ADAMTSL2: variants seen among roughly 807,000 people sequenced by gnomAD.
ADAMTSL2 encodes ADAMTS like 2.
Under a neutral mutation model 117.0 loss-of-function variants are expected in ADAMTSL2, and 55 were observed. That is an observed-to-expected ratio of 0.47 (90% confidence interval 0.38 to 0.59). The LOEUF (loss-of-function observed/expected upper bound fraction) is 0.59. ADAMTSL2 is among the 20% of genes least tolerant of loss of function. ADAMTSL2 has a pLI of 0.00. For missense variants in ADAMTSL2, 1,182 were observed against 1,354.5 expected (o/e 0.87, Z 2.00); for synonymous variants, 572 against 566.4 (o/e 1.01, Z -0.14).
chr9:133,553,957 G>A (rs930751624), intron 9 of ADAMTSL2, among the ~76,000 whole-genome samples: 1 of 152,258 alleles, frequency 6.6e-6, no homozygotes, highest in Admixed American at 6.5e-5. Flanking sequence ...TGGTGGGAGA[G>A]GGACACCGTG....
rs369171019 is a variant in ADAMTSL2, at chr9:133,539,648, C to G, written c.310-123C>G. 5 of 1,009,906 alleles carry G rather than the reference C, an allele frequency of 5.0e-6. No individual in the cohort carries two copies. The East Asian group carries it at 1.0e-4, about 21-fold the overall frequency. The allele number at this position is 1,009,906 out of a possible 1,614,324, so 62.6% of individuals were successfully genotyped here. A position where few individuals can be genotyped will look rare whatever the true frequency, so the allele number is the denominator to read the frequency against. ...AGAGGCCACCCCGTGGGCCGTGGCC[C>G]CCGCACGGCTGTCCCGGCTGTCCCG... On this transcript the variant is annotated intron_variant, in intron 4 of 18. Coordinates refer to ENST00000651351, the MANE Select transcript of ADAMTSL2 (RefSeq NM_014694.4).
At chr9:133,545,595 G>A (rs181191562) in intron 8 of ADAMTSL2, among the ~76,000 whole-genome samples, 72 of 152,336 alleles carry the variant, frequency 4.7e-4, no homozygotes, top group African/African-American at 1.6e-3. Context: ...TCCCTGGCCC[G>A]AGCGGGGAGC....
intron 3 of ADAMTSL2, among the ~76,000 whole-genome samples, chr9:133,538,060 AAC>A (rs141357298): frequency 3.7e-4 from 57 of 152,338 alleles, no homozygotes; most frequent in African/African-American, 9.6e-4. Flanking sequence ...TGCTTCTGAG[AAC>A]ACACATGTGT....
chr9:133,544,318 C>A (rs1830297108), intron 7 of ADAMTSL2, 152 bp from the exon 8 acceptor site: 2 of 744,206 alleles, frequency 2.7e-6, no homozygotes, highest in Admixed American at 1.8e-5. Context: ...TGCAATGGGA[C>A]GGGGCTGAGC....
At chr9:133,563,927 G>T (rs1588302438) in intron 12 of ADAMTSL2, among the ~76,000 whole-genome samples, 1 of 43,532 alleles carries the variant, frequency 2.3e-5, no homozygotes, top group Non-Finnish European at 4.8e-5. Context: ...GGGAGAGAGA[G>T]AGAGAGAGAG....
At chr9:133,550,833 C>T (rs1336033963) in intron 9 of ADAMTSL2, among the ~76,000 whole-genome samples, 1 of 152,182 alleles carries the variant, frequency 6.6e-6, no homozygotes, top group African/African-American at 2.4e-5. Context: ...TGTGACTAGC[C>T]TGTGTCCAGT....
chr9:133,541,099 C>A, intron 7 of ADAMTSL2, 98 bp downstream of exon 7: 1 of 1,516,378 alleles, frequency 6.6e-7, no homozygotes, highest in Non-Finnish European at 8.9e-7. Flanking sequence ...TACCACTGGG[C>A]AAGTTCTTCC....
Position 133,568,624 on chromosome 9 carries a change from C to T in ADAMTSL2, c.2110C>T (p.Arg704Cys), listed in dbSNP as rs1269274237. 107 of 1,610,164 alleles carry T rather than the reference C, an allele frequency of 6.6e-5. No individual in the cohort carries two copies. Among genetic ancestry groups the T allele is most frequent in the Non-Finnish European group, 8.3e-5 (98 of 1,178,996 alleles). Reference sequence around the variant, plus strand: ...CCAGTGCACTGCCAAGTGTGGGGAGCGCAGTGTGGTGACCAGGGACATCCG... The same window carrying T: ...CCAGTGCACTGCCAAGTGTGGGGAGTGCAGTGTGGTGACCAGGGACATCCG... ...WSECTAKCGE[R>C]SVVTRDIRCS... Residue 704 changes from arginine to cysteine, a missense_variant, in exon 15 of 19, where the codon CGC becomes TGC. Around this residue, in one of 3 missense-constraint regions of ADAMTSL2, gnomAD observed 465 missense variants for 565.3 expected, o/e 0.82. Coordinates refer to ENST00000651351, the MANE Select transcript of ADAMTSL2 (RefSeq NM_014694.4).
At chr9:133,537,594 G>T in intron 3 of ADAMTSL2, 47 bp downstream of exon 3, 5 of 1,331,262 alleles carry the variant, frequency 3.8e-6, no homozygotes, top group Non-Finnish European at 3.9e-6. Flanking sequence ...TGAGGGCAGG[G>T]TAGCGGGCAG....
In ADAMTSL2 at chr9:133,540,969, C is replaced by T. The variant is rs202153053; in HGVS notation, c.650C>T (p.Thr217Met). ...QGDGSSCTHV[T>M]GNYRKGNAHL... ...GACGGTAGCAGCTGCACCCACGTGA[C>T]GGGCAACTATCGCAAGGGGAATGCC... Residue 217 changes from threonine to methionine, a missense_variant, in exon 7 of 19, where the codon ACG (threonine) becomes ATG (methionine). Transcript: ENST00000651351. 224 of 1,613,346 alleles carry T rather than the reference C, an allele frequency of 1.4e-4. 1 individual carries two copies. Among genetic ancestry groups the T allele is most frequent in the Non-Finnish European group, 1.6e-4 (191 of 1,180,036 alleles).
In ADAMTSL2 at chr9:133,557,281, C is replaced by T. The variant is rs929250967; in HGVS notation, c.1649+1351C>T. Among the ~76,000 whole-genome samples, 3 of 152,170 alleles carry T rather than the reference C, an allele frequency of 2.0e-5. No homozygotes were observed. The highest frequency in any genetic ancestry group is 4.4e-5 in the Non-Finnish European group (3 of 68,030). On this transcript the variant is annotated intron_variant, in intron 11 of 18. Coordinates refer to ENST00000651351, the MANE Select transcript of ADAMTSL2 (RefSeq NM_014694.4). The surrounding 1 kb of genome is among the most constrained non-coding windows in gnomAD (Gnocchi z 5.2). Reference sequence around the variant, plus strand: ...ACTGTTTTCTGAGGCCACCGAGGTGCCTGGGGCTGCGGGGTGCAGGGAGGA... The same window carrying T: ...ACTGTTTTCTGAGGCCACCGAGGTGTCTGGGGCTGCGGGGTGCAGGGAGGA...
intron 12 of ADAMTSL2, among the ~76,000 whole-genome samples, chr9:133,561,514 C>A (rs1830727799): frequency 8.6e-6 from 1 of 116,674 alleles, no homozygotes; most frequent in African/African-American, 2.7e-5. Flanking sequence ...ATGGTCAGGT[C>A]CAGGCCCCTG....
intron 13 of ADAMTSL2, 143 bp downstream of exon 13, chr9:133,567,205 G>T (rs1588308162): frequency 9.3e-7 from 1 of 1,070,290 alleles, no homozygotes; most frequent in East Asian, 2.6e-5. Flanking sequence ...GGGGCATACA[G>T]ACCTCACCCC....
In ADAMTSL2 at chr9:133,568,396, C is replaced by A; in HGVS notation, c.1998C>A (p.Cys666Ter). 6.2e-7 allele frequency: 1 copy of A among 1,606,926 alleles called. No individual in the cohort carries two copies. Among genetic ancestry groups the A allele is most frequent in the East Asian group, 2.2e-5 (1 of 44,546 alleles). The change falls in exon 14 of 19, where the codon TGC becomes TGA. Residue 666 changes from cysteine (C) to a stop codon, truncating the protein, a stop_gained. Coordinates refer to ENST00000651351, the MANE Select transcript of ADAMTSL2 (RefSeq NM_014694.4). LOFTEE classifies it high-confidence loss of function. ...ACAGCTCCGTGTACAGCGACCTGTG[C>A]GAGGCAGCCGAGGCCGTGCGGCCCG... ...GFDSSVYSDL[C>*]EAAEAVRPEE...
At chr9:133,541,388 G>A (rs1830220925) in intron 7 of ADAMTSL2, among the ~76,000 whole-genome samples, 2 of 151,398 alleles carry the variant, frequency 1.3e-5, no homozygotes, top group South Asian at 2.1e-4. Flanking sequence ...TCCCAGGTTC[G>A]AGCGATTCTC....
chr9:133,558,903 C>G lies in ADAMTSL2; in HGVS notation c.1650-2295C>G, dbSNP rs1347200297. 6.6e-6 allele frequency among the ~76,000 whole-genome samples: 1 copy of G among 152,214 alleles called. No homozygotes were observed. The highest frequency in any genetic ancestry group is 1.5e-5 in the Non-Finnish European group (1 of 68,038). ...TTCAAGAGTTGCATCTGCTATGCCC[C>G]ACACGTGCTGCTGCGAAGAGTGTGT... On this transcript the variant is annotated intron_variant, in intron 11 of 18. Coordinates refer to ENST00000651351, the MANE Select transcript of ADAMTSL2 (RefSeq NM_014694.4). The surrounding 1 kb of genome is among the most constrained non-coding windows in gnomAD (Gnocchi z 4.3).
intron 11 of ADAMTSL2, among the ~76,000 whole-genome samples, chr9:133,559,732 A>G (rs1830685716): frequency 6.6e-6 from 1 of 152,048 alleles, no homozygotes; most frequent in Non-Finnish European, 1.5e-5. Flanking sequence ...GAGCCCCAGG[A>G]TGGGACAGAC....
chr9:133,572,323 G>C (rs1455864254), intron 17 of ADAMTSL2, among the ~76,000 whole-genome samples: 4 of 152,208 alleles, frequency 2.6e-5, no homozygotes, highest in African/African-American at 4.8e-5. Context: ...TGGGCCTGGG[G>C]CTTCCCAGGG....
In ADAMTSL2 at chr9:133,567,106, G is replaced by C. The variant is rs1007161652; in HGVS notation, c.1874+44G>C. 1.8e-5 allele frequency: 29 copies of C among 1,576,710 alleles called. No individual in the cohort carries two copies. In the African/African-American group the frequency reaches 3.5e-4, roughly 19 times the overall value. On this transcript the variant is annotated intron_variant, in intron 13 of 18. Transcript: ENST00000651351. ...CCTGGGCAGGGGGTCGGCAGGGGGCGTGAGGGGCTCTGCCCAAAGGAGCAG... is the reference window on the plus strand; with the variant it reads ...CCTGGGCAGGGGGTCGGCAGGGGGCCTGAGGGGCTCTGCCCAAAGGAGCAG...
Sources: gnomAD v4.1 joint callset for allele counts (sites outside exome capture counted in the v4.1 genomes callset) on GRCh38, gnomAD v4.1.1 for gene constraint, gnomAD v4.1.1 regional missense constraint, Gnocchi (gnomAD v3.1) non-coding constraint, MANE v1.5 for transcripts, NCBI Gene and HGNC (gene_info 2026-07-23, HGNC 2026-07-21) for gene names.